TMEM266: variants seen among roughly 807,000 people sequenced by gnomAD.
TMEM266 encodes the protein Hv1 related protein 1.
A neutral mutation model predicts 50.5 loss-of-function variants in TMEM266; 33 were observed. That is an observed-to-expected ratio of 0.65 (90% CI 0.50 to 0.87). The LOEUF is 0.87. Among genes scored for constraint, TMEM266 ranks in the 40% least tolerant of loss-of-function variants. The pLI is 0.00. For missense variants in TMEM266, 655 were observed against 695.1 expected, an observed-to-expected ratio of 0.94 and a Z score of 0.65; for synonymous variants, 310 against 292.3, an observed-to-expected ratio of 1.06 and a Z score of -0.62.
chr15:76,076,730 G>A (rs2036612950), intron 1 of TMEM266, among the ~76,000 whole-genome samples: 1 of 152,002 alleles, frequency 6.6e-6, no homozygotes, highest in Admixed American at 6.5e-5. Flanking sequence ...GGCATTAGAT[G>A]GGCCTCAAAA....
intron 3 of TMEM266, among the ~76,000 whole-genome samples, chr15:76,146,944 G>A (rs1458931475): frequency 6.6e-6 from 1 of 152,232 alleles, no homozygotes; most frequent in African/African-American, 2.4e-5. Context: ...CTCACGGCAG[G>A]GATCAGATCA....
chr15:76,171,476 G>A (rs1596150273), intron 7 of TMEM266, among the ~76,000 whole-genome samples: 2 of 152,300 alleles, frequency 1.3e-5, no homozygotes, highest in South Asian at 4.1e-4. Context: ...CACCCTGGGC[G>A]TCTCGATGCA....
At chr15:76,192,271 C>A in intron 9 of TMEM266, 114 bp downstream of exon 9, 1 of 998,110 alleles carries the variant, frequency 1.0e-6, no homozygotes, top group Non-Finnish European at 1.4e-6. Flanking sequence ...CAGGTGTGTG[C>A]CCCTCCTTCA....
chr15:76,151,954 C>T (rs1051446541), intron 3 of TMEM266, among the ~76,000 whole-genome samples: 1 of 152,110 alleles, frequency 6.6e-6, no homozygotes, highest in African/African-American at 2.4e-5. Flanking sequence ...TGGGTCCTCC[C>T]GCAGAGGTTG....
chr15:76,112,372 CTG>C (rs2037182567), intron 1 of TMEM266, among the ~76,000 whole-genome samples: 1 of 152,150 alleles, frequency 6.6e-6, no homozygotes, highest in Admixed American at 6.6e-5. Flanking sequence ...ATAGGGGAAA[CTG>C]TAGAGTCTGG....
At chr15:76,116,694 A>G (rs1317876956) in intron 1 of TMEM266, among the ~76,000 whole-genome samples, 2 of 152,152 alleles carry the variant, frequency 1.3e-5, no homozygotes, top group South Asian at 4.1e-4. Flanking sequence ...CTAGGACAAC[A>G]GGAAAAGTCT....
intron 1 of TMEM266, chr15:76,112,206 C>A (rs1045549384): frequency 6.6e-6 from 1 of 152,178 alleles, no homozygotes; most frequent in Admixed American, 6.6e-5. Flanking sequence ...CTGTATGATA[C>A]TCTTAATGGT....
chr15:76,086,084 C>A (rs952598359), intron 1 of TMEM266, among the ~76,000 whole-genome samples: 3 of 150,518 alleles, frequency 2.0e-5, no homozygotes, highest in Non-Finnish European at 4.4e-5. Context: ...ATGTCCATAA[C>A]AACTTTTTTA....
rs771328344 is a variant in TMEM266 at position 76,160,081 on chromosome 15, C to T, written c.383-14C>T. The T allele has an allele frequency of 5.0e-6, 8 of 1,613,434 alleles. No individual in the cohort carries two copies. The highest frequency in any genetic ancestry group is 1.3e-5 in the African/African-American group (1 of 74,916). On this transcript the variant is annotated splice_polypyrimidine_tract_variant and intron_variant, in intron 4 of 10. Coordinates refer to ENST00000388942, the MANE Select transcript of TMEM266 (RefSeq NM_152335.3). The surrounding 1 kb of genome is among the most constrained non-coding windows in gnomAD (Gnocchi z 5.7). ...CCTCACTCCTAAAATTGGTCCTTAT[C>T]GTGTCCATTGCAGTTTCCAGCGCAT...
intron 5 of TMEM266, among the ~76,000 whole-genome samples, chr15:76,169,494 C>A (rs2038153317): frequency 6.6e-6 from 1 of 151,148 alleles, no homozygotes; most frequent in Non-Finnish European, 1.5e-5. Flanking sequence ...TCCTAAGTAT[C>A]CTTCCAAGGG....
At chr15:76,095,568 A>C (rs964368573) in intron 1 of TMEM266, among the ~76,000 whole-genome samples, 11 of 151,970 alleles carry the variant, frequency 7.2e-5, no homozygotes, top group African/African-American at 2.7e-4. Context: ...TATTGGCCTG[A>C]AATTTTCTTT....
At chr15:76,180,567 G>T (rs2038383104) in intron 8 of TMEM266, among the ~76,000 whole-genome samples, 1 of 143,030 alleles carries the variant, frequency 7.0e-6, no homozygotes, top group Non-Finnish European at 1.5e-5. Context: ...TGGGTCAGGT[G>T]TCTCCACTGC....
intron 3 of TMEM266, among the ~76,000 whole-genome samples, chr15:76,141,843 G>T (rs2037684539): frequency 1.3e-5 from 2 of 152,184 alleles, no homozygotes; most frequent in Non-Finnish European, 2.9e-5. Context: ...TGCAGTATTT[G>T]TCCTTTTATA....
chr15:76,160,261 C>A lies in TMEM266; in HGVS notation c.456+93C>A. ...TACTTCTCGAAATGGTTTCTAGCATCAGGTCCCCTGCTAGCCCTTGAGGCT... is the reference window on the plus strand; with the variant it reads ...TACTTCTCGAAATGGTTTCTAGCATAAGGTCCCCTGCTAGCCCTTGAGGCT... On this transcript the variant is annotated intron_variant, in intron 5 of 10. Coordinates refer to ENST00000388942, the MANE Select transcript of TMEM266 (RefSeq NM_152335.3). This position sits in a 1 kb window ranked among gnomAD's most constrained non-coding sequence, Gnocchi z 5.7. 1 of 1,260,562 alleles carries A rather than the reference C, an allele frequency of 7.9e-7. No homozygotes were observed. Among genetic ancestry groups the A allele is most frequent in the Non-Finnish European group, 1.2e-6 (1 of 865,616 alleles). The allele number at this position is 1,260,562 out of a possible 1,614,324, so 78.1% of individuals were successfully genotyped here. A position where few individuals can be genotyped will look rare whatever the true frequency, so the allele number is the denominator to read the frequency against.
chr15:76,138,391 G>A lies in TMEM266; in HGVS notation c.227+496G>A, dbSNP rs1348396085. 2.0e-5 allele frequency among the ~76,000 whole-genome samples: 3 copies of A among 152,122 alleles called. No individual in the cohort carries two copies. The East Asian group carries it at 5.8e-4, about 29-fold the overall frequency. ...TTACTTCCTCAGAAAAAGGCACTGG[G>A]CACAGACAATACCTGCCAGACGACC... is the stretch of plus-strand genomic sequence containing the variant. On this transcript the variant is annotated intron_variant, in intron 3 of 10. Transcript: ENST00000388942.
intron 1 of TMEM266, among the ~76,000 whole-genome samples, chr15:76,131,323 C>T (rs116234824): frequency 0.01 from 1,532 of 152,316 alleles, 25 homozygotes; most frequent in African/African-American, 0.035. Context: ...GCTGAGATCA[C>T]GCCTCTGCTC....
chr15:76,174,036 CCTT>C, intron 7 of TMEM266, among the ~76,000 whole-genome samples: 1 of 152,158 alleles, frequency 6.6e-6, no homozygotes, highest in Non-Finnish European at 1.5e-5. Context: ...AGCCCAGGCT[CCTT>C]CTGTTTTTCT....
At chr15:76,091,508 C>T (rs1261938950) in intron 1 of TMEM266, among the ~76,000 whole-genome samples, 1 of 151,470 alleles carries the variant, frequency 6.6e-6, no homozygotes, top group Admixed American at 6.6e-5. Flanking sequence ...CATAATTGCA[C>T]CACTGCTCTC....
intron 1 of TMEM266, among the ~76,000 whole-genome samples, chr15:76,069,085 T>C (rs1267753578): frequency 6.6e-6 from 1 of 152,210 alleles, no homozygotes; most frequent in Non-Finnish European, 1.5e-5. Context: ...CTCAGGATTG[T>C]TGCAAGGATC....
Sources: gnomAD v4.1 joint callset for allele counts (sites outside exome capture counted in the v4.1 genomes callset) on GRCh38, gnomAD v4.1.1 for gene constraint, Gnocchi (gnomAD v3.1) non-coding constraint, MANE v1.5 for transcripts, NCBI Gene and HGNC (gene_info 2026-07-23, HGNC 2026-07-21) for gene names.